Variants in DNAH12 observed in about 807,000 individuals in gnomAD.
DNAH12 encodes axonemal beta dynein heavy chain 12.
A neutral mutation model predicts 371.5 loss-of-function variants in DNAH12; 285 were observed. The ratio of observed to expected loss-of-function variants is 0.77; its 90% CI spans 0.70 to 0.85. The LOEUF (loss-of-function observed/expected upper bound fraction) is 0.85. DNAH12 is among the 40% of genes least tolerant of loss of function. DNAH12 has a pLI of 0.00. For missense variants in DNAH12, 3,611 were observed against 3,689.4 expected (o/e 0.98, Z 0.55); for synonymous variants, 1,200 against 1,213.0 (o/e 0.99, Z 0.22).
rs1443772059 is a variant in DNAH12 at position 57,519,390 on chromosome 3, TCTCC to T, written c.279+4189_279+4192del. Among the ~76,000 whole-genome samples the T allele has an allele frequency of 7.2e-5, 11 of 152,330 alleles. No individual in the cohort carries two copies. In the East Asian group the frequency reaches 1.7e-3, roughly 24 times the overall value. On this transcript the variant is annotated intron_variant, in intron 4 of 73. Transcript: ENST00000495027. The stretch of plus-strand genomic sequence containing the variant: ...ATAAAGGTGATTCAGTTTGGAGTTC[TCTCC>T]TTTTTTATAGCACTCCTAAGCTATG...
intron 29 of DNAH12, among the ~76,000 whole-genome samples, chr3:57,439,660 A>G (rs56120702): frequency 0.14 from 21,542 of 152,140 alleles, 1,573 homozygotes; most frequent in South Asian, 0.19. Flanking sequence ...CTCAAAAGCA[A>G]TCGCTACAAA....
chr3:57,389,767 T>C (rs1235080621), intron 45 of DNAH12, among the ~76,000 whole-genome samples: 2 of 147,822 alleles, frequency 1.4e-5, no homozygotes, highest in African/African-American at 4.9e-5. Flanking sequence ...AATGAAAGCA[T>C]ACATATATAC....
intron 2 of DNAH12, among the ~76,000 whole-genome samples, chr3:57,528,801 A>C (rs1287785888): frequency 1.3e-5 from 2 of 149,736 alleles, no homozygotes; most frequent in Admixed American, 6.7e-5. Context: ...TGGGATTTTC[A>C]ATTTCTTTTT....
intron 18 of DNAH12, 116 bp downstream of exon 18, chr3:57,462,574 T>TC (rs780186478): frequency 1.6e-6 from 2 of 1,233,744 alleles, no homozygotes; most frequent in Non-Finnish European, 2.2e-6. Flanking sequence ...TCTATCACTC[T>TC]CCCCCATCAC....
At chr3:57,428,363 G>T in intron 34 of DNAH12, 1 of 1,299,782 alleles carries the variant, frequency 7.7e-7, no homozygotes, top group Non-Finnish European at 1.0e-6. Flanking sequence ...GTTTTTAGAG[G>T]CACATATTTA....
At chr3:57,320,623 C>G (rs1439864350) in intron 65 of DNAH12, among the ~76,000 whole-genome samples, 1 of 66,568 alleles carries the variant, frequency 1.5e-5, no homozygotes, top group South Asian at 6.1e-4. Flanking sequence ...AAACCAGTCA[C>G]ACCTGCAGAA....
chr3:57,403,251 T>G, intron 43 of DNAH12, 58 bp downstream of exon 43: 1 of 1,472,810 alleles, frequency 6.8e-7, no homozygotes, highest in South Asian at 1.4e-5. Flanking sequence ...GTTCTCTCTT[T>G]ACGAGTAAAA....
At chr3:57,513,969 T>C (rs1389938043) in intron 4 of DNAH12, among the ~76,000 whole-genome samples, 1 of 152,250 alleles carries the variant, frequency 6.6e-6, no homozygotes, top group Non-Finnish European at 1.5e-5. Context: ...AAGGTATTCA[T>C]TGCAGCAAAA....
chr3:57,483,950 C>CAAAAAAAAA (rs71088079), intron 12 of DNAH12, among the ~76,000 whole-genome samples: 2 of 64,106 alleles, frequency 3.1e-5, no homozygotes, highest in Non-Finnish European at 5.5e-5. Flanking sequence ...GACCCTGTCT[C>CAAAAAAAAA]AAAAAAAAAA....
rs1180490265 is a variant in DNAH12 at position 57,368,090 on chromosome 3, T to C, written c.8930A>G (p.Asp2977Gly). The C allele has an allele frequency of 6.6e-6, 1 of 152,230 alleles. No individual in the cohort carries two copies. Among genetic ancestry groups the C allele is most frequent in the Non-Finnish European group, 1.5e-5 (1 of 68,044 alleles). 9.4% of individuals were successfully genotyped at this position (152,230 alleles called of 1,614,324 possible). Residue 2977 changes from aspartate (D) to glycine (G), a missense_variant, in exon 56 of 74, where the codon GAT becomes GGT. Transcript: ENST00000495027. The stretch of plus-strand genomic sequence containing the variant: ...GAGTAGTAAAGGCTCCAAAGATGGA[T>C]CCAGTTCTTCACCAACATTTTCTAA... Reference protein sequence around the residue: ...LLLENVGEELDPSLEPLLLRQ... With the variant: ...LLLENVGEELGPSLEPLLLRQ...
intron 35 of DNAH12, 36 bp from the exon 36 acceptor site, chr3:57,421,742 A>G: frequency 6.5e-7 from 1 of 1,550,148 alleles, no homozygotes. Context: ...TATAGCAATT[A>G]TTTTAAAAGG....
the DNAH12 span, among the ~76,000 whole-genome samples, chr3:57,554,484 C>G: frequency 4.4e-3 from 668 of 152,160 alleles, 6 homozygotes; most frequent in African/African-American, 0.016. Flanking sequence ...CATACTATGG[C>G]TTAGAATGCA....
chr3:57,404,663 C>A (rs1300678298), intron 42 of DNAH12, among the ~76,000 whole-genome samples: 1 of 151,870 alleles, frequency 6.6e-6, no homozygotes, highest in Non-Finnish European at 1.5e-5. Context: ...GAGGTTGCAG[C>A]GAGCTGAGAT....
At chr3:57,388,159 G>A (rs1020306784) in intron 45 of DNAH12, among the ~76,000 whole-genome samples, 6 of 152,028 alleles carry the variant, frequency 3.9e-5, no homozygotes, top group South Asian at 2.1e-4. Flanking sequence ...GTCTTTGGAC[G>A]TGCTTTTCCC....
intron 2 of DNAH12, among the ~76,000 whole-genome samples, chr3:57,535,066 T>C (rs941660200): frequency 6.6e-6 from 1 of 152,220 alleles, no homozygotes; most frequent in African/African-American, 2.4e-5. Context: ...ATATTACCGA[T>C]AGGAACATGA....
chr3:57,402,597 A>G (rs2063904397), intron 43 of DNAH12, among the ~76,000 whole-genome samples: 1 of 152,228 alleles, frequency 6.6e-6, no homozygotes. Flanking sequence ...AAAGATAAAC[A>G]TTACATGTTC....
intron 26 of DNAH12, 129 bp downstream of exon 26, chr3:57,446,408 C>A: frequency 7.0e-7 from 1 of 1,420,988 alleles, no homozygotes; most frequent in Non-Finnish European, 9.3e-7. Context: ...TGTCTTTACT[C>A]CTAAAATGAA....
intron 60 of DNAH12, among the ~76,000 whole-genome samples, chr3:57,336,783 C>A (rs1463060144): frequency 2.6e-5 from 4 of 152,180 alleles, no homozygotes; most frequent in Non-Finnish European, 5.9e-5. Context: ...AACTGAAAAT[C>A]AGCAACTTTT....
In DNAH12 at chr3:57,352,123, C is replaced by G; in HGVS notation, c.9636G>C (p.Lys3212Asn). 1.3e-6 allele frequency: 2 copies of G among 1,536,358 alleles called. No individual in the cohort carries two copies. Among genetic ancestry groups the G allele is most frequent in the Non-Finnish European group, 1.8e-6 (2 of 1,142,836 alleles). ...NICRSLFEKD[K>N]LLFSFLLCAN... ...CACATAATAAAAAGGAAAATAACAG[C>G]TTGTCCTTCTCAAATAGTGATCGGC... The change falls in exon 60 of 74, where the codon AAG (lysine) becomes AAC (asparagine). Residue 3212 changes from lysine to asparagine, a missense_variant. Around this residue, in one of 3 missense-constraint regions of DNAH12, gnomAD observed 2,266 missense variants for 2,236.9 expected, o/e 1.01. Transcript: ENST00000495027.
Sources: gnomAD v4.1 joint callset for allele counts (sites outside exome capture counted in the v4.1 genomes callset) on GRCh38, gnomAD v4.1.1 for gene constraint, gnomAD v4.1.1 regional missense constraint, MANE v1.5 for transcripts, NCBI Gene and HGNC (gene_info 2026-07-23, HGNC 2026-07-21) for gene names.